The following MGAT5B variants were observed in gnomAD, a reference collection of about 807,000 sequenced individuals.
MGAT5B encodes N-acetylglucosaminyl-transferase Vb.
MGAT5B carries 54 observed loss-of-function variants against 95.1 expected under a neutral mutation model. The observed-to-expected ratio is 0.57, with a 90% CI of 0.46 to 0.71. The LOEUF (loss-of-function observed/expected upper bound fraction) is 0.71. Ranked by LOEUF, MGAT5B falls within the 30% of genes least tolerant of loss-of-function variation. MGAT5B has a pLI of 0.00. For missense variants in MGAT5B, 935 were observed against 1,088.6 expected, an observed-to-expected ratio of 0.86 and a Z score of 1.99; for synonymous variants, 464 against 451.0, an observed-to-expected ratio of 1.03 and a Z score of -0.36.
At position 76,948,869 on chromosome 17, in the gene MGAT5B, C is replaced by A. The variant is rs558944250; in HGVS notation, c.*31C>A. The A allele has an allele frequency of 8.4e-6, 13 of 1,538,936 alleles. No homozygotes were observed. In the African/African-American group the frequency reaches 1.8e-4, roughly 21 times the overall value. On this transcript the variant is annotated 3_prime_UTR_variant, in exon 18 of 18. Transcript: ENST00000569840. ...CCTCTGCCGCCCTGCCTGGCACCCA[C>A]GCTGGCTCTCTCCTGCCGCGGGAGA...
rs1184486908 is a variant in MGAT5B at position 76,940,124 on chromosome 17, G to A, written c.1585-278G>A. On this transcript the variant is annotated intron_variant, in intron 13 of 17. Transcript: ENST00000569840. The surrounding 1 kb of genome is among the most constrained non-coding windows in gnomAD (Gnocchi z 4.3). Reference sequence around the variant, plus strand: ...CATAAATCATAGCCTGATAGAGCAAGAAGAGACCATTGATAATACCTAATT... The same window carrying A: ...CATAAATCATAGCCTGATAGAGCAAAAAGAGACCATTGATAATACCTAATT... 6.6e-6 allele frequency among the ~76,000 whole-genome samples: 1 copy of A among 152,164 alleles called. No individual in the cohort carries two copies. The highest frequency in any genetic ancestry group is 1.5e-5 in the Non-Finnish European group (1 of 68,032).
chr17:76,871,153 G>A (rs1208965592), intron 1 of MGAT5B, among the ~76,000 whole-genome samples: 1 of 152,170 alleles, frequency 6.6e-6, no homozygotes, highest in Admixed American at 6.5e-5. Flanking sequence ...ATGAGTGGGG[G>A]AAGTCCGTCC....
chr17:76,940,606 G>A lies in MGAT5B; in HGVS notation c.1731+58G>A. 1.3e-6 allele frequency: 2 copies of A among 1,585,186 alleles called. No individual in the cohort carries two copies. Among genetic ancestry groups the A allele is most frequent in the Non-Finnish European group, 1.7e-6 (2 of 1,162,180 alleles). ...AGGGGCCGGGACAGAGACCCCTGCA[G>A]GTCCTGGAAGAGGCAGACTGAGATG... On this transcript the variant is annotated intron_variant, in intron 14 of 17. Transcript: ENST00000569840. The surrounding 1 kb of genome is among the most constrained non-coding windows in gnomAD (Gnocchi z 4.3).
rs1598983645 is a variant in MGAT5B, at chr17:76,930,553, G to A, written c.1292-2092G>A. On this transcript the variant is annotated intron_variant, in intron 10 of 17. Coordinates refer to ENST00000569840, the MANE Select transcript of MGAT5B (RefSeq NM_001199172.2). This position sits in a 1 kb window ranked among gnomAD's most constrained non-coding sequence, Gnocchi z 4.1. ...TAAACGGTTTATTCGGGATCCCAGT[G>A]CGCAGAAGGCAGGGCTCGTGTGCCT... 6.6e-6 allele frequency among the ~76,000 whole-genome samples: 1 copy of A among 152,156 alleles called. No individual in the cohort carries two copies. Among genetic ancestry groups the A allele is most frequent in the East Asian group, 1.9e-4 (1 of 5,200 alleles).
rs1969251928 is a variant in MGAT5B, at chr17:76,924,955, T to C, written c.1026-11T>C. 6.2e-7 allele frequency: 1 copy of C among 1,611,932 alleles called. No individual in the cohort carries two copies. Among genetic ancestry groups the C allele is most frequent in the East Asian group, 2.2e-5 (1 of 44,780 alleles). ...TCTTGGGGCCCAGAATCTGAAGGGC[T>C]CTTCTCTCAGTAACTTAGGGGTACC... On this transcript the variant is annotated splice_polypyrimidine_tract_variant and intron_variant, in intron 8 of 17. Coordinates refer to ENST00000569840, the MANE Select transcript of MGAT5B (RefSeq NM_001199172.2).
intron 16 of MGAT5B, among the ~76,000 whole-genome samples, chr17:76,946,708 C>A (rs1970041283): frequency 6.6e-6 from 1 of 152,236 alleles, no homozygotes; most frequent in South Asian, 2.1e-4. Context: ...ACGGCACTAA[C>A]AGAAACACAA....
chr17:76,944,568 G>T (rs561299310), intron 15 of MGAT5B, among the ~76,000 whole-genome samples: 26 of 152,300 alleles, frequency 1.7e-4, no homozygotes, highest in African/African-American at 6.0e-4. Flanking sequence ...AGAGCAGGTC[G>T]GGACAGGGCT....
rs890236483 is a variant in MGAT5B, at chr17:76,932,577, T to A, written c.1292-68T>A. ...AAAGAGGACCTCTTGGGCGGGGCAG[T>A]CCAGGGAGGCCTGGGGCTGCCCTTG... On this transcript the variant is annotated intron_variant, in intron 10 of 17. Coordinates refer to ENST00000569840, the MANE Select transcript of MGAT5B (RefSeq NM_001199172.2). 1.9e-6 allele frequency: 3 copies of A among 1,599,706 alleles called. No homozygotes were observed. The African/African-American group carries it at 4.0e-5, about 21-fold the overall frequency.
chr17:76,903,236 A>C, intron 4 of MGAT5B, 67 bp from the exon 5 acceptor site: 1 of 1,282,202 alleles, frequency 7.8e-7, no homozygotes, highest in Non-Finnish European at 1.1e-6. Flanking sequence ...TGCCTCCCGC[A>C]CGCAGGCCTC....
In MGAT5B at chr17:76,902,564, TG is replaced by T; in HGVS notation, c.343del (p.Ala115ProfsTer19). 1 of 1,591,376 alleles carries T rather than the reference TG, an allele frequency of 6.3e-7. No homozygotes were observed. Among genetic ancestry groups the T allele is most frequent in the Non-Finnish European group, 8.6e-7 (1 of 1,168,018 alleles). ...LHFPADRMPP[G>X]AGLMERIQAI... ...GGCTTTTCCCACTTAGGATGCCCCC[TG>T]GGGCCGGCCTCATGGAGCGGATCCA... is the stretch of plus-strand genomic sequence containing the variant. On this transcript the variant is annotated frameshift_variant, in exon 4 of 18. Coordinates refer to ENST00000569840, the MANE Select transcript of MGAT5B (RefSeq NM_001199172.2). LOFTEE classifies it high-confidence loss of function.
chr17:76,887,753 C>T (rs1027970467), intron 3 of MGAT5B, among the ~76,000 whole-genome samples: 2 of 151,122 alleles, frequency 1.3e-5, no homozygotes, highest in African/African-American at 2.4e-5. Context: ...GATGGGGTTT[C>T]GCCATATTGC....
At chr17:76,935,171 CG>C (rs1969610621) in intron 12 of MGAT5B, among the ~76,000 whole-genome samples, 1 of 152,142 alleles carries the variant, frequency 6.6e-6, no homozygotes, top group African/African-American at 2.4e-5. Flanking sequence ...GGTTCAGGCC[CG>C]GGGCAAACCC....
At position 76,906,498 on chromosome 17, in the gene MGAT5B, A is replaced by C. The variant is rs1968535176; in HGVS notation, c.1025+311A>C. ...GCTTGTGGAATTGAGCCACGTCTGC[A>C]CGTGGGGTCCCCTCTGCCTGCCGTC... is the stretch of plus-strand genomic sequence containing the variant. On this transcript the variant is annotated intron_variant, in intron 8 of 17. Transcript: ENST00000569840. This position sits in a 1 kb window ranked among gnomAD's most constrained non-coding sequence, Gnocchi z 4.6. 6.6e-6 allele frequency among the ~76,000 whole-genome samples: 1 copy of C among 152,224 alleles called. No individual in the cohort carries two copies. The highest frequency in any genetic ancestry group is 2.4e-5 in the African/African-American group (1 of 41,464).
In MGAT5B at chr17:76,882,678, C is replaced by T. The variant is rs36164179; in HGVS notation, c.329+380C>T. On this transcript the variant is annotated intron_variant, in intron 3 of 17. Transcript: ENST00000569840. ...ATTTTAACAAATTCCATGTAAGTGG[C>T]ATCTCACAGCACATATTCCACTGCC... 8.9e-3 allele frequency among the ~76,000 whole-genome samples: 1,331 copies of T among 150,316 alleles called. 11 individuals carry two copies. The highest frequency in any genetic ancestry group is 0.016 in the Non-Finnish European group (1,058 of 67,848).
chr17:76,921,347 C>T (rs1335376177), intron 8 of MGAT5B, among the ~76,000 whole-genome samples: 2 of 152,226 alleles, frequency 1.3e-5, no homozygotes, highest in African/African-American at 4.8e-5. Context: ...TAGATTCCTT[C>T]TCCCCCATCC....
chr17:76,895,426 C>T (rs1421955504), intron 3 of MGAT5B, among the ~76,000 whole-genome samples: 1 of 152,128 alleles, frequency 6.6e-6, no homozygotes, highest in African/African-American at 2.4e-5. Context: ...AAATTGTCTT[C>T]CACGAAACCA....
Position 76,916,277 on chromosome 17 carries a change from C to T in MGAT5B, c.1026-8689C>T, listed in dbSNP as rs531760395. Among the ~76,000 whole-genome samples, 1 of 152,384 alleles carries T rather than the reference C, an allele frequency of 6.6e-6. No individual in the cohort carries two copies. Among genetic ancestry groups the T allele is most frequent in the African/African-American group, 2.4e-5 (1 of 41,596 alleles). On this transcript the variant is annotated intron_variant, in intron 8 of 17. Coordinates refer to ENST00000569840, the MANE Select transcript of MGAT5B (RefSeq NM_001199172.2). The surrounding 1 kb of genome is among the most constrained non-coding windows in gnomAD (Gnocchi z 5.3). ...CCTCATGCTCCACGCGCTGCGCTGGCGTCACAGGGAGTCTGTTTCTTGCAA... is the reference window on the plus strand; with the variant it reads ...CCTCATGCTCCACGCGCTGCGCTGGTGTCACAGGGAGTCTGTTTCTTGCAA...
At chr17:76,936,025 TC>T (rs953547485) in intron 12 of MGAT5B, among the ~76,000 whole-genome samples, 10 of 149,286 alleles carry the variant, frequency 6.7e-5, no homozygotes, top group African/African-American at 2.5e-4. Flanking sequence ...GGTCGCAAAC[TC>T]CTGGGCTCAA....
chr17:76,927,797 C>T (rs1351747960), intron 10 of MGAT5B, among the ~76,000 whole-genome samples: 5 of 152,234 alleles, frequency 3.3e-5, no homozygotes. Flanking sequence ...GTACATCTGC[C>T]TCCAGCAGCA....
Sources: allele counts gnomAD v4.1 joint callset (sites outside exome capture counted in the v4.1 genomes callset), GRCh38; gene constraint gnomAD v4.1.1; non-coding constraint Gnocchi (gnomAD v3.1); transcripts MANE v1.5; gene names NCBI Gene and HGNC (gene_info 2026-07-23, HGNC 2026-07-21).